The following CNTRL variants were observed in gnomAD, a reference collection of about 807,000 sequenced individuals.
CNTRL encodes 110 kDa centrosomal protein.
Under a neutral mutation model 303.7 loss-of-function variants are expected in CNTRL, and 233 were observed. The observed-to-expected ratio is 0.77, with a 90% CI of 0.69 to 0.86. The LOEUF (loss-of-function observed/expected upper bound fraction) is 0.86. Ranked by LOEUF, CNTRL falls within the 40% of genes least tolerant of loss-of-function variation. The probability of loss-of-function intolerance (pLI) is 0.00; values close to 1 mark genes in which losing one functional copy is unlikely to be tolerated. For synonymous variants in CNTRL, 900 were observed against 922.2 expected, an observed-to-expected ratio of 0.98 and a Z score of 0.44; for missense variants, 2,524 against 2,650.6, an observed-to-expected ratio of 0.95 and a Z score of 1.05.
At position 121,144,944 on chromosome 9, in the gene CNTRL, G is replaced by C; in HGVS notation, c.3153G>C (p.Arg1051Ser). Reference sequence around the variant, plus strand: ...TCGAACTCCTGCAGAATCTCCTCAGGCAGAAGGGGGAGCAGGTCAGTGTTG... The same window carrying C: ...TCGAACTCCTGCAGAATCTCCTCAGCCAGAAGGGGGAGCAGGTCAGTGTTG... ...AEIELLQNLLRQKGEQFRLEM... is the reference protein window; with the variant it reads ...AEIELLQNLLSQKGEQFRLEM... Residue 1051 changes from arginine (R) to serine (S), a missense_variant, in exon 21 of 44, where the codon AGG becomes AGC. Transcript: ENST00000373855. 1 of 1,613,340 alleles carries C rather than the reference G, an allele frequency of 6.2e-7. No individual in the cohort carries two copies. Among genetic ancestry groups the C allele is most frequent in the Non-Finnish European group, 8.5e-7 (1 of 1,179,612 alleles).
chr9:121,141,744 T>G (rs2051528266), intron 18 of CNTRL, 156 bp downstream of exon 18: 1 of 721,470 alleles, frequency 1.4e-6, no homozygotes, highest in Non-Finnish European at 2.3e-6. Context: ...AACTCAACCC[T>G]GAATGTGGTT....
In CNTRL at chr9:121,115,201, G is replaced by T; in HGVS notation, c.1455+1G>T. 1.3e-6 allele frequency: 2 copies of T among 1,492,762 alleles called. No individual in the cohort carries two copies. The highest frequency in any genetic ancestry group is 1.9e-6 in the Non-Finnish European group (2 of 1,077,442). 92.5% of individuals were successfully genotyped at this position (1,492,762 alleles called of 1,614,324 possible). On this transcript the variant is annotated splice_donor_variant, in intron 11 of 43. Transcript: ENST00000373855. LOFTEE classifies it high-confidence loss of function. The stretch of plus-strand genomic sequence containing the variant: ...GGAAGAAGCTATACAACTAAAAAAG[G>T]TATGTAAAAGCAAAGCAGCAATGCT...
At chr9:121,122,447 G>C in intron 12 of CNTRL, 1 of 952,614 alleles carries the variant, frequency 1.0e-6, no homozygotes, top group Non-Finnish European at 1.2e-6. Flanking sequence ...ACATAAAATT[G>C]AGTAATATTC....
At position 121,107,835 on chromosome 9, in the gene CNTRL, A is replaced by G. The variant is rs1481124718; in HGVS notation, c.842A>G (p.Lys281Arg). The change falls in exon 8 of 44, where the codon AAA becomes AGA. Residue 281 changes from lysine to arginine, a missense_variant. Coordinates refer to ENST00000373855, the MANE Select transcript of CNTRL (RefSeq NM_007018.6). ...EVERLERDLE[K>R]KMIETEELKS... The stretch of plus-strand genomic sequence containing the variant: ...GAAAGACTGGAAAGAGACCTAGAAA[A>G]AAAGATGATAGAAACTGAAGAGCTT... 4 of 1,590,876 alleles carry G rather than the reference A, an allele frequency of 2.5e-6. No homozygotes were observed. Among genetic ancestry groups the G allele is most frequent in the Non-Finnish European group, 3.4e-6 (4 of 1,173,982 alleles).
rs1564201397 is a variant in CNTRL, at chr9:121,098,270, A to G, written c.622-116A>G. 4.0e-6 allele frequency: 3 copies of G among 750,832 alleles called. No homozygotes were observed. In the African/African-American group the frequency reaches 5.3e-5, roughly 13 times the overall value. The allele number at this position is 750,832 out of a possible 1,614,324, so 46.5% of individuals were successfully genotyped here. On this transcript the variant is annotated intron_variant, in intron 6 of 43. Coordinates refer to ENST00000373855, the MANE Select transcript of CNTRL (RefSeq NM_007018.6). ...TTCCTGACACCACTACTTTTGGGTA[A>G]TTGGCTTCATGAATAGATTCCTTGC...
chr9:121,171,614 G>A (rs548329091), intron 40 of CNTRL, 66 bp downstream of exon 40: 2 of 1,519,260 alleles, frequency 1.3e-6, no homozygotes, highest in Admixed American at 2.2e-5. Context: ...CAGGCAGATT[G>A]TATTGTTTTT....
At chr9:121,146,044 T>G in intron 22 of CNTRL, 64 bp from the exon 23 acceptor site, 1 of 1,416,422 alleles carries the variant, frequency 7.1e-7, no homozygotes, top group Non-Finnish European at 9.6e-7. Context: ...AGAATCTCTT[T>G]TATATTTTGA....
At chr9:121,154,293 G>A (rs780988789) in intron 26 of CNTRL, among the ~76,000 whole-genome samples, 1 of 152,098 alleles carries the variant, frequency 6.6e-6, no homozygotes, top group Admixed American at 6.6e-5. Flanking sequence ...TACTTCAGCC[G>A]AATGGAATAA....
chr9:121,119,606 C>T (rs570363214), intron 12 of CNTRL, among the ~76,000 whole-genome samples: 11 of 149,544 alleles, frequency 7.4e-5, no homozygotes, highest in African/African-American at 2.7e-4. Context: ...AGCGATTCTC[C>T]TGCCTCAGCC....
At chr9:121,137,771 T>C (rs571206549) in intron 15 of CNTRL, among the ~76,000 whole-genome samples, 37 of 152,336 alleles carry the variant, frequency 2.4e-4, no homozygotes, top group African/African-American at 8.7e-4. Flanking sequence ...TTTTCCTTAA[T>C]AAATTCTCCT....
chr9:121,115,213 A>G lies in CNTRL; in HGVS notation c.1455+13A>G. 1.4e-6 allele frequency: 2 copies of G among 1,381,272 alleles called. No individual in the cohort carries two copies. Among genetic ancestry groups the G allele is most frequent in the Non-Finnish European group, 2.0e-6 (2 of 977,750 alleles). 85.6% of individuals were successfully genotyped at this position (1,381,272 alleles called of 1,614,324 possible). A position where few individuals can be genotyped will look rare whatever the true frequency, so the allele number is the denominator to read the frequency against. Reference sequence around the variant, plus strand: ...ACAACTAAAAAAGGTATGTAAAAGCAAAGCAGCAATGCTAAGAGGAAATGA... The same window carrying G: ...ACAACTAAAAAAGGTATGTAAAAGCGAAGCAGCAATGCTAAGAGGAAATGA... On this transcript the variant is annotated intron_variant, in intron 11 of 43. Coordinates refer to ENST00000373855, the MANE Select transcript of CNTRL (RefSeq NM_007018.6).
Position 121,094,923 on chromosome 9 carries a change from A to C in CNTRL, c.384A>C (p.Glu128Asp). 1 of 1,585,552 alleles carries C rather than the reference A, an allele frequency of 6.3e-7. No homozygotes were observed. Among genetic ancestry groups the C allele is most frequent in the Non-Finnish European group, 8.6e-7 (1 of 1,161,494 alleles). Residue 128 changes from glutamate (E) to aspartate (D), a missense_variant, in exon 5 of 44, where the codon GAA becomes GAC. Transcript: ENST00000373855. ...ATTTGGAAAAATGTGTTAAACTTGA[A>C]GTACTGAATCTCAGCTATAATCTAA... ...IENLEKCVKL[E>D]VLNLSYNLIG...
intron 20 of CNTRL, among the ~76,000 whole-genome samples, chr9:121,144,607 G>C (rs1199619281): frequency 1.3e-5 from 2 of 152,168 alleles, no homozygotes; most frequent in Non-Finnish European, 2.9e-5. Flanking sequence ...GGTAGTAAAA[G>C]TAAAAAAGTA....
chr9:121,124,926 C>T (rs2050425963), intron 13 of CNTRL, among the ~76,000 whole-genome samples: 1 of 135,376 alleles, frequency 7.4e-6, no homozygotes, highest in African/African-American at 2.7e-5. Flanking sequence ...GCCTAGGTGA[C>T]AGAGTGAAAC....
intron 16 of CNTRL, among the ~76,000 whole-genome samples, chr9:121,139,036 A>G (rs934029375): frequency 3.9e-5 from 6 of 152,188 alleles, no homozygotes; most frequent in African/African-American, 1.2e-4. Flanking sequence ...ATCCTCTTCC[A>G]CTGAAATGTC....
intron 14 of CNTRL, among the ~76,000 whole-genome samples, chr9:121,127,407 A>T (rs1412197411): frequency 1.3e-5 from 2 of 152,294 alleles, no homozygotes; most frequent in South Asian, 4.1e-4. Flanking sequence ...ATTACTTTTC[A>T]TAGTGAGTTT....
intron 2 of CNTRL, among the ~76,000 whole-genome samples, chr9:121,085,400 A>G (rs1441466457): frequency 6.6e-6 from 1 of 152,246 alleles, no homozygotes; most frequent in Non-Finnish European, 1.5e-5. Flanking sequence ...TATGTATGAT[A>G]CATTGCAATA....
At chr9:121,151,522 C>G (rs934795662) in intron 25 of CNTRL, among the ~76,000 whole-genome samples, 16 of 151,214 alleles carry the variant, frequency 1.1e-4, no homozygotes, top group African/African-American at 3.2e-4. Context: ...TCCCAAGTAG[C>G]TGGGATTAGA....
Position 121,169,703 on chromosome 9 carries a change from T to A in CNTRL, c.6163T>A (p.Phe2055Ile), listed in dbSNP as rs907319653. 5.6e-6 allele frequency: 9 copies of A among 1,614,202 alleles called. No individual in the cohort carries two copies. Among genetic ancestry groups the A allele is most frequent in the Non-Finnish European group, 7.6e-6 (9 of 1,180,030 alleles). Residue 2055 changes from phenylalanine to isoleucine, a missense_variant, in exon 39 of 44, where the codon TTC (phenylalanine) becomes ATC (isoleucine). Transcript: ENST00000373855. ...AGAGGCAGATTCTATGAGGGCAGACTTCAGCCTTCTGCGGAACCAGTTCTT... is the reference window on the plus strand; with the variant it reads ...AGAGGCAGATTCTATGAGGGCAGACATCAGCCTTCTGCGGAACCAGTTCTT... ...QKEADSMRAD[F>I]SLLRNQFLTE...
Sources: allele counts gnomAD v4.1 joint callset (sites outside exome capture counted in the v4.1 genomes callset), GRCh38; gene constraint gnomAD v4.1.1; transcripts MANE v1.5; gene names NCBI Gene and HGNC (gene_info 2026-07-23, HGNC 2026-07-21).